The following CTNNA3 variants were observed in gnomAD, a reference collection of about 807,000 sequenced individuals.
The protein encoded by CTNNA3 is catenin alpha 3, also known as catenin alpha-3.
Under a neutral mutation model 95.7 loss-of-function variants are expected in CTNNA3, and 76 were observed. The ratio of observed to expected loss-of-function variants is 0.79; its 90% CI spans 0.66 to 0.96. The LOEUF is 0.96. Among genes scored for constraint, CTNNA3 ranks in the 40% least tolerant of loss-of-function variants. The pLI, the probability that CTNNA3 is intolerant of heterozygous loss-of-function variation, is 0.00. For synonymous variants in CTNNA3, 431 were observed against 374.4 expected (o/e 1.15, Z -1.74); for missense variants, 1,191 against 1,089.8 (o/e 1.09, Z -1.31).
chr10:67,439,114 C>A (rs1483176031), intron 5 of CTNNA3, among the ~76,000 whole-genome samples: 1 of 151,968 alleles, frequency 6.6e-6, no homozygotes, highest in Admixed American at 6.6e-5. Flanking sequence ...CAGCCCTGCT[C>A]GCAGAAATGA....
chr10:66,271,496 T>C (rs1485223438), intron 13 of CTNNA3, among the ~76,000 whole-genome samples: 3 of 152,212 alleles, frequency 2.0e-5, no homozygotes, highest in African/African-American at 4.8e-5. Context: ...TTAATACTTA[T>C]ACAAGTTTAT....
At chr10:66,789,189 T>C (rs1170118274) in intron 7 of CTNNA3, among the ~76,000 whole-genome samples, 1 of 152,172 alleles carries the variant, frequency 6.6e-6, no homozygotes, top group Non-Finnish European at 1.5e-5. Flanking sequence ...TTTGTTTTGT[T>C]GTTGTTTTTT....
At chr10:66,958,005 G>T (rs1003120023) in intron 7 of CTNNA3, among the ~76,000 whole-genome samples, 51 of 152,042 alleles carry the variant, frequency 3.4e-4, no homozygotes, top group African/African-American at 1.2e-3. Flanking sequence ...GCAGGGTACA[G>T]AGGAAGGGTA....
In CTNNA3 at chr10:66,947,841, G is replaced by A. The variant is rs551971393; in HGVS notation, c.1048-172317C>T. ...AAAATGCAGTCATGTGGCGCTTAGC[G>A]ACAGGAATAGGTTCTGAGAAATGCA... On this transcript the variant is annotated intron_variant, in intron 7 of 17. Coordinates refer to ENST00000433211, the MANE Select transcript of CTNNA3 (RefSeq NM_013266.4). 3.9e-5 allele frequency among the ~76,000 whole-genome samples: 6 copies of A among 152,262 alleles called. No individual in the cohort carries two copies. The South Asian group carries it at 8.3e-4, about 21-fold the overall frequency.
intron 17 of CTNNA3, among the ~76,000 whole-genome samples, chr10:65,952,057 C>T (rs1396844627): frequency 2.0e-5 from 3 of 150,494 alleles, no homozygotes; most frequent in Non-Finnish European, 4.4e-5. Flanking sequence ...AAATCCCTCA[C>T]CTATTTCATT....
chr10:66,587,202 TA>T (rs1425285385), intron 10 of CTNNA3, among the ~76,000 whole-genome samples: 6 of 152,324 alleles, frequency 3.9e-5, no homozygotes, highest in Admixed American at 2.0e-4. Context: ...CAAGACGTCC[TA>T]TTTAGCTAAG....
chr10:67,169,595 G>A (rs1861927414), intron 7 of CTNNA3, among the ~76,000 whole-genome samples: 1 of 152,068 alleles, frequency 6.6e-6, no homozygotes, highest in African/African-American at 2.4e-5. Context: ...GATTGACTCT[G>A]GACCCCTTCC....
chr10:67,558,640 G>A (rs1356866739), intron 3 of CTNNA3, among the ~76,000 whole-genome samples: 1 of 152,246 alleles, frequency 6.6e-6, no homozygotes, highest in East Asian at 1.9e-4. Context: ...GTGGGCACAG[G>A]ACAGTGGGTG....
chr10:66,764,557 G>C (rs998610210), intron 9 of CTNNA3, among the ~76,000 whole-genome samples: 1 of 152,184 alleles, frequency 6.6e-6, no homozygotes, highest in Non-Finnish European at 1.5e-5. Flanking sequence ...CTGAGAAATA[G>C]GAAGAGGAAT....
At chr10:66,540,427 C>T (rs1448884178) in intron 10 of CTNNA3, among the ~76,000 whole-genome samples, 1 of 152,062 alleles carries the variant, frequency 6.6e-6, no homozygotes, top group East Asian at 1.9e-4. Flanking sequence ...GACCACTTGG[C>T]CACTGATTGA....
rs58376545 is a variant in CTNNA3, at chr10:66,784,040, C to A, written c.1048-8516G>T. 8.4e-3 allele frequency among the ~76,000 whole-genome samples: 1,281 copies of A among 152,238 alleles called. 18 individuals carry two copies. Among genetic ancestry groups the A allele is most frequent in the African/African-American group, 0.029 (1,203 of 41,540 alleles). On this transcript the variant is annotated intron_variant, in intron 7 of 17. Coordinates refer to ENST00000433211, the MANE Select transcript of CTNNA3 (RefSeq NM_013266.4). ...TATGAAACTTAGAACAGATAGACTT[C>A]CACGATTCTGGTTATTGTTTTCACT...
chr10:66,152,404 G>A (rs896856072), intron 13 of CTNNA3, among the ~76,000 whole-genome samples: 11 of 151,808 alleles, frequency 7.2e-5, no homozygotes, highest in African/African-American at 2.7e-4. Context: ...AAAACAGGAA[G>A]CACAGATATA....
intron 11 of CTNNA3, among the ~76,000 whole-genome samples, chr10:66,478,897 A>T (rs546309626): frequency 1.1e-3 from 165 of 151,866 alleles, no homozygotes; most frequent in Middle Eastern, 3.4e-3. Flanking sequence ...GCTAAACAGA[A>T]TTTTTCAATT....
chr10:65,966,831 AG>A lies in CTNNA3; in HGVS notation c.2266-86del, dbSNP rs201658766. 64 of 1,029,056 alleles carry A rather than the reference AG, an allele frequency of 6.2e-5. No individual in the cohort carries two copies. The East Asian group carries it at 1.5e-3, about 24-fold the overall frequency. 63.7% of individuals were successfully genotyped at this position (1,029,056 alleles called of 1,614,324 possible). A position where few individuals can be genotyped will look rare whatever the true frequency, so the allele number is the denominator to read the frequency against. ...TGAGTAAATACAGTATTCACATGGCAGGTACCTTATAAAGCAGCAATTTTAT... is the reference window on the plus strand; with the variant it reads ...TGAGTAAATACAGTATTCACATGGCAGTACCTTATAAAGCAGCAATTTTAT... On this transcript the variant is annotated intron_variant, in intron 16 of 17. Transcript: ENST00000433211.
intron 9 of CTNNA3, among the ~76,000 whole-genome samples, chr10:66,662,818 G>A (rs529361941): frequency 1.3e-5 from 2 of 152,174 alleles, no homozygotes; most frequent in East Asian, 1.9e-4. Flanking sequence ...GGAAAAAACA[G>A]GGAAAGGAAA....
chr10:66,577,839 C>T (rs565392769), intron 10 of CTNNA3, among the ~76,000 whole-genome samples: 1 of 152,062 alleles, frequency 6.6e-6, no homozygotes, highest in African/African-American at 2.4e-5. Flanking sequence ...TTTAGAATAA[C>T]TTTTTCTAAT....
chr10:67,473,710 A>G (rs1156408615), intron 5 of CTNNA3, among the ~76,000 whole-genome samples: 1 of 152,186 alleles, frequency 6.6e-6, no homozygotes, highest in Non-Finnish European at 1.5e-5. Flanking sequence ...AAAAATAACA[A>G]TACAACAATT....
At chr10:66,643,009 A>G (rs1845571938) in intron 9 of CTNNA3, among the ~76,000 whole-genome samples, 1 of 152,172 alleles carries the variant, frequency 6.6e-6, no homozygotes, top group East Asian at 1.9e-4. Context: ...AGATAGATAC[A>G]TAGATACACA....
At chr10:66,461,136 A>G (rs909345135) in intron 11 of CTNNA3, among the ~76,000 whole-genome samples, 14 of 152,148 alleles carry the variant, frequency 9.2e-5, no homozygotes, top group Admixed American at 7.2e-4. Flanking sequence ...GGAAGGAACA[A>G]GAGAATACAA....
Sources: gnomAD v4.1 joint callset for allele counts (sites outside exome capture counted in the v4.1 genomes callset) on GRCh38, gnomAD v4.1.1 for gene constraint, MANE v1.5 for transcripts, NCBI Gene and HGNC (gene_info 2026-07-23, HGNC 2026-07-21) for gene names.